The following KSR2 variants were observed in gnomAD, a reference collection of about 807,000 sequenced individuals.
The protein encoded by KSR2 is kinase suppressor of ras 2.
Under a neutral mutation model 107.8 loss-of-function variants are expected in KSR2, and 25 were observed. The ratio of observed to expected loss-of-function variants is 0.23; its 90% confidence interval spans 0.17 to 0.32. KSR2 has a LOEUF of 0.32. Ranked by LOEUF, KSR2 falls within the 10% of genes least tolerant of loss-of-function variation. The pLI is 1.00. For synonymous variants in KSR2, 480 were observed against 507.0 expected (o/e 0.95, Z 0.71); for missense variants, 887 against 1,268.9 (o/e 0.70, Z 4.57).
chr12:117,637,675 G>GTTTTTTTGTTTTTTTT (rs1883165278), intron 5 of KSR2, among the ~76,000 whole-genome samples: 1 of 92,086 alleles, frequency 1.1e-5, no homozygotes, highest in African/African-American at 4.2e-5. Flanking sequence ...TCAGTTTTGG[G>GTTTTTTTGTTTTTTTT]TTTTTTTTTT....
Position 117,893,907 on chromosome 12 carries a change from C to CTTTT in KSR2, c.181-33480_181-33477dup, listed in dbSNP as rs56095185. 8.3e-3 allele frequency among the ~76,000 whole-genome samples: 1,079 copies of CTTTT among 129,230 alleles called. 21 individuals carry two copies. The highest frequency in any genetic ancestry group is 0.03 in the African/African-American group (1,006 of 33,542). The allele number at this position is 129,230 out of a possible 152,430, so 84.8% of individuals were successfully genotyped here. On this transcript the variant is annotated intron_variant, in intron 1 of 19. Transcript: ENST00000339824. ...AGAAAAATCCACAAAGAACAAAATT[C>CTTTT]TTTTTTTTTTTTTTTTTTTTGAGAC...
At chr12:117,726,914 C>T (rs771728670) in intron 4 of KSR2, among the ~76,000 whole-genome samples, 3 of 152,120 alleles carry the variant, frequency 2.0e-5, no homozygotes, top group Non-Finnish European at 2.9e-5. Context: ...CCTGGAAGCA[C>T]TCCAGATGTA....
intron 5 of KSR2, among the ~76,000 whole-genome samples, chr12:117,611,735 G>T (rs1046195805): frequency 6.6e-6 from 1 of 152,158 alleles, no homozygotes; most frequent in Non-Finnish European, 1.5e-5. Flanking sequence ...GAGAAGTAGA[G>T]ATAATTCTAA....
chr12:117,695,248 T>A (rs1302809169), intron 4 of KSR2, among the ~76,000 whole-genome samples: 2 of 151,960 alleles, frequency 1.3e-5, no homozygotes, highest in East Asian at 3.9e-4. Flanking sequence ...AATGAGAAAT[T>A]TAATGGGTAC....
Position 117,466,889 on chromosome 12 carries a change from G to T in KSR2, c.*310C>A. ...TGGGGTCTCCTGTCCTAGTCCCATA[G>T]CCCAAAGGCACCACGTGCAGCCTGC... On this transcript the variant is annotated 3_prime_UTR_variant, in exon 20 of 20. Transcript: ENST00000339824. 2.9e-6 allele frequency: 1 copy of T among 344,808 alleles called. No homozygotes were observed. 21.4% of individuals were successfully genotyped at this position (344,808 alleles called of 1,614,324 possible).
At position 117,607,642 on chromosome 12, in the gene KSR2, GAGA is replaced by G. The variant is rs1593045608; in HGVS notation, c.1172-25286_1172-25284del. ...CCCGCCTGCATCCACAGACCTCCCG[GAGA>G]GGGGAGGAAAGGAGAGGAGAGGAGA... is the stretch of plus-strand genomic sequence containing the variant. On this transcript the variant is annotated intron_variant, in intron 5 of 19. Coordinates refer to ENST00000339824, the MANE Select transcript of KSR2 (RefSeq NM_173598.6). 8.5e-5 allele frequency among the ~76,000 whole-genome samples: 12 copies of G among 141,500 alleles called. 1 individual carries two copies. Among genetic ancestry groups the G allele is most frequent in the East Asian group, 4.9e-4 (2 of 4,090 alleles). 92.8% of individuals were successfully genotyped at this position (141,500 alleles called of 152,430 possible). A position where few individuals can be genotyped will look rare whatever the true frequency, so the allele number is the denominator to read the frequency against.
rs1883751484 is a variant in KSR2, at chr12:117,648,478, T to C, written c.1171+18996A>G. On this transcript the variant is annotated intron_variant, in intron 5 of 19. Transcript: ENST00000339824. ...GGGCTTCATTTATGCATTCAAAACA[T>C]ACTTGTTCAGAGCCTATAATGTAGC... is the stretch of plus-strand genomic sequence containing the variant. Among the ~76,000 whole-genome samples, 3 of 152,336 alleles carry C rather than the reference T, an allele frequency of 2.0e-5. No individual in the cohort carries two copies. In the South Asian group the frequency reaches 6.2e-4, roughly 32 times the overall value.
intron 16 of KSR2, among the ~76,000 whole-genome samples, chr12:117,483,424 G>A (rs966871448): frequency 6.6e-6 from 1 of 152,042 alleles, no homozygotes; most frequent in African/African-American, 2.4e-5. Flanking sequence ...CTCAAAAGCA[G>A]CTGAAACTGA....
chr12:117,550,544 T>C (rs16947708), intron 9 of KSR2, among the ~76,000 whole-genome samples: 3,875 of 152,100 alleles, frequency 0.025, 177 homozygotes, highest in African/African-American at 0.089. Flanking sequence ...CAGTGACCTA[T>C]AATATGGGAT....
At chr12:117,584,364 C>T (rs1365251715) in intron 5 of KSR2, among the ~76,000 whole-genome samples, 1 of 152,032 alleles carries the variant, frequency 6.6e-6, no homozygotes, top group Non-Finnish European at 1.5e-5. Context: ...CCCATTAACT[C>T]CTTAAGGTGC....
chr12:117,781,189 T>C (rs968615041), intron 3 of KSR2, among the ~76,000 whole-genome samples: 1 of 152,218 alleles, frequency 6.6e-6, no homozygotes, highest in Non-Finnish European at 1.5e-5. Context: ...CCCTTTGCTT[T>C]TCCTTCGTCT....
chr12:117,640,241 T>C (rs370267565), intron 5 of KSR2, among the ~76,000 whole-genome samples: 5 of 112,372 alleles, frequency 4.4e-5, no homozygotes, highest in Non-Finnish European at 1.2e-4. Flanking sequence ...TCTTTTTTTT[T>C]CTTTTTTTTG....
chr12:117,652,209 G>A (rs1883934415), intron 5 of KSR2, among the ~76,000 whole-genome samples: 1 of 152,132 alleles, frequency 6.6e-6, no homozygotes, highest in Non-Finnish European at 1.5e-5. Flanking sequence ...ATGGTACAGT[G>A]TATACTGCTC....
chr12:117,548,032 G>T, intron 9 of KSR2, among the ~76,000 whole-genome samples: 1 of 152,088 alleles, frequency 6.6e-6, no homozygotes, highest in South Asian at 2.1e-4. Context: ...GGGAAGCAGA[G>T]GTTGCAGTAA....
rs58248072 is a variant in KSR2 at position 117,958,514 on chromosome 12, G to A, written c.180+9562C>T. On this transcript the variant is annotated intron_variant, in intron 1 of 19. Coordinates refer to ENST00000339824, the MANE Select transcript of KSR2 (RefSeq NM_173598.6). Reference sequence around the variant, plus strand: ...GTATGAACATAAGCACCTGACAATAGAATTTTGGTTAAAGAAATGATGGGG... The same window carrying A: ...GTATGAACATAAGCACCTGACAATAAAATTTTGGTTAAAGAAATGATGGGG... Among the ~76,000 whole-genome samples, 725 of 152,230 alleles carry A rather than the reference G, an allele frequency of 4.8e-3. 8 individuals are homozygous for A. Among genetic ancestry groups the A allele is most frequent in the African/African-American group, 0.016 (684 of 41,546 alleles).
At chr12:117,688,573 C>T (rs1593132101) in intron 4 of KSR2, among the ~76,000 whole-genome samples, 1 of 152,192 alleles carries the variant, frequency 6.6e-6, no homozygotes, top group East Asian at 1.9e-4. Context: ...GTCCAATTGG[C>T]AGGTTTGACA....
At chr12:117,571,077 G>A (rs1395029076) in intron 7 of KSR2, among the ~76,000 whole-genome samples, 1 of 152,142 alleles carries the variant, frequency 6.6e-6, no homozygotes, top group Non-Finnish European at 1.5e-5. Context: ...GGCCAACATA[G>A]TGAAACCCTG....
At chr12:117,493,005 C>T (rs1409156095) in intron 14 of KSR2, among the ~76,000 whole-genome samples, 2 of 152,230 alleles carry the variant, frequency 1.3e-5, no homozygotes, top group Admixed American at 6.5e-5. Context: ...GGACTTCTGA[C>T]TTTCAGAACC....
chr12:117,811,133 G>C (rs1891176480), intron 3 of KSR2, among the ~76,000 whole-genome samples: 1 of 152,096 alleles, frequency 6.6e-6, no homozygotes, highest in Admixed American at 6.5e-5. Flanking sequence ...CTGGCAAATA[G>C]AAAGTTCTTG....
Sources: allele counts gnomAD v4.1 joint callset (sites outside exome capture counted in the v4.1 genomes callset), GRCh38; gene constraint gnomAD v4.1.1; transcripts MANE v1.5; gene names NCBI Gene and HGNC (gene_info 2026-07-23, HGNC 2026-07-21).